COXFA4L2: variants seen among roughly 807,000 people sequenced by gnomAD.
The protein encoded by COXFA4L2 is cytochrome c oxidase hypoxia associated subunit FA4L2.
chr12:57,235,459 G>C, the COXFA4L2 span: 1 of 1,257,238 alleles, frequency 8.0e-7, no homozygotes, highest in Non-Finnish European at 1.2e-6. Flanking sequence ...AGCAGTAGCG[G>C]GACAGGGTGG....
At chr12:57,238,424 C>A in the COXFA4L2 span, among the ~76,000 whole-genome samples, 7 of 152,000 alleles carry the variant, frequency 4.6e-5, no homozygotes, top group South Asian at 8.3e-4. The surrounding 1 kb of genome is among the most constrained non-coding windows in gnomAD (Gnocchi z 6.8). Context: ...GGCGGGGGAG[C>A]GGGGCTGACG....
At chr12:57,235,418 C>T in the COXFA4L2 span, 6 of 870,680 alleles carry the variant, frequency 6.9e-6, no homozygotes, top group Non-Finnish European at 1.1e-5. Flanking sequence ...GTGGAGCAGC[C>T]TCCCCTCTGC....
chr12:57,235,384 T>C, the COXFA4L2 span: 2 of 689,600 alleles, frequency 2.9e-6, no homozygotes, highest in South Asian at 1.7e-5. Flanking sequence ...CTTCCGCTGC[T>C]GGGAGCAAGG....
At chr12:57,236,181 G>A in the COXFA4L2 span, 21 of 325,998 alleles carry the variant, frequency 6.4e-5, no homozygotes, top group Middle Eastern at 8.1e-4. Context: ...CCATGGGTGC[G>A]CCTTTCACTT....
At chr12:57,236,901 C>CT in the COXFA4L2 span, 1 of 1,333,746 alleles carries the variant, frequency 7.5e-7, no homozygotes, top group Non-Finnish European at 1.1e-6. Flanking sequence ...CGGAGAGAGA[C>CT]TGGGGCAACC....
At chr12:57,235,378 C>CGCT in the COXFA4L2 span, 1 of 671,022 alleles carries the variant, frequency 1.5e-6, no homozygotes, top group Admixed American at 2.5e-5. Context: ...GAGGCGCTTC[C>CGCT]GCTGCTGGGA....
At chr12:57,239,882 A>G in the COXFA4L2 span, 1 of 151,238 alleles carries the variant, frequency 6.6e-6, no homozygotes, top group East Asian at 2.0e-4. This position sits in a 1 kb window ranked among gnomAD's most constrained non-coding sequence, Gnocchi z 5.5. Context: ...TCTCTCCCCA[A>G]CCCCACTCCC....
the COXFA4L2 span, chr12:57,237,216 G>A: frequency 1.9e-6 from 3 of 1,552,828 alleles, no homozygotes; most frequent in African/African-American, 1.4e-5. Flanking sequence ...TGCTTCTTTG[G>A]ACTCACCCCA....
the COXFA4L2 span, chr12:57,237,027 A>AC: frequency 2.5e-6 from 4 of 1,613,970 alleles, no homozygotes; most frequent in Non-Finnish European, 3.4e-6. Flanking sequence ...CTGAGGACTC[A>AC]CCCCCGGATG....
At chr12:57,236,906 G>A in the COXFA4L2 span, 2 of 1,363,232 alleles carry the variant, frequency 1.5e-6, no homozygotes, top group East Asian at 2.3e-5. Flanking sequence ...AGAGACTGGG[G>A]CAACCTTAGG....
chr12:57,236,920 A>AG, the COXFA4L2 span: 2 of 1,432,340 alleles, frequency 1.4e-6, no homozygotes, highest in South Asian at 2.3e-5. Flanking sequence ...CCTTAGGGGA[A>AG]GAATAGGAGC....
the COXFA4L2 span, chr12:57,236,759 C>T: frequency 1.7e-6 from 2 of 1,178,142 alleles, no homozygotes; most frequent in Admixed American, 2.5e-5. Context: ...AGCTTTTCTG[C>T]CCACCCCAAC....
the COXFA4L2 span, chr12:57,237,217 A>G: frequency 4.5e-6 from 7 of 1,545,858 alleles, no homozygotes; most frequent in Admixed American, 1.2e-4. Flanking sequence ...GCTTCTTTGG[A>G]CTCACCCCAC....
the COXFA4L2 span, chr12:57,235,615 A>C: frequency 6.2e-7 from 1 of 1,614,174 alleles, no homozygotes. Flanking sequence ...GGAAACTGCA[A>C]GGAACTAAGA....
At chr12:57,236,351 A>G in the COXFA4L2 span, 1 of 484,880 alleles carries the variant, frequency 2.1e-6, no homozygotes, top group Non-Finnish European at 3.6e-6. Flanking sequence ...CGTCATGGCA[A>G]CCCGGCCGGG....
chr12:57,236,957 G>C, the COXFA4L2 span: 4 of 1,589,310 alleles, frequency 2.5e-6, no homozygotes, highest in Non-Finnish European at 3.5e-6. Flanking sequence ...ACAAGGCAAG[G>C]CATTGGGGGA....
chr12:57,240,598 T>C, the COXFA4L2 span: 1 of 922,124 alleles, frequency 1.1e-6, no homozygotes, highest in Non-Finnish European at 1.3e-6. Context: ...CGCACGTGCG[T>C]CACACTGTCA....
the COXFA4L2 span, chr12:57,236,343 T>C: frequency 2.1e-6 from 1 of 479,158 alleles, no homozygotes; most frequent in Non-Finnish European, 3.7e-6. Flanking sequence ...AGCGGCGTCG[T>C]CATGGCAACC....
chr12:57,237,028 C>G, the COXFA4L2 span: 1 of 1,614,186 alleles, frequency 6.2e-7, no homozygotes, highest in Non-Finnish European at 8.5e-7. Flanking sequence ...TGAGGACTCA[C>G]CCCCGGATGT....
Sources: allele counts gnomAD v4.1 joint callset (sites outside exome capture counted in the v4.1 genomes callset), GRCh38; gene constraint gnomAD v4.1.1; non-coding constraint Gnocchi (gnomAD v3.1); transcripts MANE v1.5; gene names NCBI Gene and HGNC (gene_info 2026-07-23, HGNC 2026-07-21).